RGS6: variants seen among roughly 807,000 people sequenced by gnomAD.
The protein encoded by RGS6 is regulator of G-protein signaling 6.
RGS6 carries 30 observed loss-of-function variants against 78.5 expected under a neutral mutation model. The ratio of observed to expected loss-of-function variants is 0.38; its 90% confidence interval spans 0.29 to 0.52. The LOEUF is 0.52. RGS6 is among the 20% of genes least tolerant of loss of function. RGS6 has a pLI of 0.85. For missense variants in RGS6, 495 were observed against 609.7 expected, an observed-to-expected ratio of 0.81 and a Z score of 1.98; for synonymous variants, 206 against 206.0, an observed-to-expected ratio of 1.00 and a Z score of 0.00.
At chr14:72,056,020 T>C (rs572992811) in intron 2 of RGS6, among the ~76,000 whole-genome samples, 1 of 152,316 alleles carries the variant, frequency 6.6e-6, no homozygotes, top group Non-Finnish European at 1.5e-5. Context: ...TGGGAAGCAT[T>C]TTGTTTTGTT....
chr14:71,990,925 T>G (rs903308224), intron 2 of RGS6: 6 of 445,532 alleles, frequency 1.3e-5, no homozygotes, highest in African/African-American at 1.0e-4. Flanking sequence ...ATAGTTGGCA[T>G]CGGAGGCAGA....
At chr14:72,346,208 T>A (rs1156560212) in intron 2 of RGS6, among the ~76,000 whole-genome samples, 1 of 152,230 alleles carries the variant, frequency 6.6e-6, no homozygotes, top group Non-Finnish European at 1.5e-5. Flanking sequence ...AATCACAATA[T>A]AGTTTGCTAT....
chr14:72,465,972 C>G, intron 7 of RGS6, 150 bp downstream of exon 7: 1 of 589,442 alleles, frequency 1.7e-6, no homozygotes, highest in Non-Finnish European at 3.0e-6. Flanking sequence ...CTCCCTTGTT[C>G]TCAGCTCCTC....
chr14:72,428,197 A>ACAGAGAAATAACAGGATTC (rs1249230202), intron 3 of RGS6, among the ~76,000 whole-genome samples: 1 of 152,208 alleles, frequency 6.6e-6, no homozygotes, highest in Non-Finnish European at 1.5e-5. Flanking sequence ...TAGAGATGAG[A>ACAGAGAAATAACAGGATTC]CAGAGAAATA....
the RGS6 span, among the ~76,000 whole-genome samples, chr14:72,622,744 C>A: frequency 6.6e-6 from 1 of 151,946 alleles, no homozygotes; most frequent in South Asian, 2.1e-4. Context: ...ATCCAGGAAC[C>A]AGGAATCACC....
chr14:72,401,539 CT>C (rs1566742813), intron 3 of RGS6, among the ~76,000 whole-genome samples: 1 of 151,438 alleles, frequency 6.6e-6, no homozygotes, highest in African/African-American at 2.4e-5. Context: ...ATGAGAAGAG[CT>C]GGACTGGGCA....
intron 15 of RGS6, among the ~76,000 whole-genome samples, chr14:72,522,818 G>C (rs2097065319): frequency 1.3e-5 from 2 of 152,136 alleles, no homozygotes; most frequent in Non-Finnish European, 2.9e-5. Flanking sequence ...ATAAAATCTA[G>C]CACATGGTCA....
chr14:72,222,355 C>G (rs1032527385), intron 2 of RGS6, among the ~76,000 whole-genome samples: 5 of 152,212 alleles, frequency 3.3e-5, no homozygotes, highest in African/African-American at 1.2e-4. Flanking sequence ...TTTTTAGCTT[C>G]TCCTTGAACC....
intron 2 of RGS6, among the ~76,000 whole-genome samples, chr14:72,068,375 T>C (rs1033274514): frequency 1.3e-5 from 2 of 152,058 alleles, no homozygotes; most frequent in African/African-American, 4.8e-5. Flanking sequence ...GCTCAGGCCA[T>C]CTGTCCACCT....
the RGS6 span, among the ~76,000 whole-genome samples, chr14:72,618,515 C>T: frequency 1.3e-5 from 2 of 152,226 alleles, no homozygotes; most frequent in African/African-American, 2.4e-5. Flanking sequence ...GATGCCCCAG[C>T]TCTGAAGGTC....
the RGS6 span, among the ~76,000 whole-genome samples, chr14:72,612,246 C>T: frequency 6.6e-6 from 1 of 152,192 alleles, no homozygotes. Flanking sequence ...TCTGACCATT[C>T]ATTGCAAAAG....
At position 72,465,763 on chromosome 14, in the gene RGS6, T is replaced by C. The variant is rs1475594542; in HGVS notation, c.400T>C (p.Tyr134His). The stretch of plus-strand genomic sequence containing the variant: ...CATTTCCTTTCTTCCCTCAGCCATC[T>C]ATCTCTGTAAGAGGACAATGCAAAA... ...WEPENTDYAI[Y>H]LCKRTMQNKA... Residue 134 changes from tyrosine to histidine, a missense_variant, in exon 7 of 18, where the codon TAT (tyrosine) becomes CAT (histidine). By Grantham distance (83) the Tyr-to-His change is moderately conservative. Transcript: ENST00000553525. The C allele has an allele frequency of 1.2e-6, 2 of 1,612,978 alleles. No individual in the cohort carries two copies. Among genetic ancestry groups the C allele is most frequent in the South Asian group, 1.1e-5 (1 of 91,028 alleles).
chr14:72,036,666 G>A (rs1000516918), intron 2 of RGS6, among the ~76,000 whole-genome samples: 1 of 152,020 alleles, frequency 6.6e-6, no homozygotes, highest in African/African-American at 2.4e-5. Flanking sequence ...TTTAAAAATT[G>A]GACTGCTTGT....
chr14:72,398,421 A>G (rs1236773579), intron 3 of RGS6, among the ~76,000 whole-genome samples: 6 of 151,840 alleles, frequency 4.0e-5, no homozygotes, highest in East Asian at 1.9e-4. Flanking sequence ...TTTTTATTAC[A>G]TCTATTTGAT....
At chr14:72,582,908 T>C in the RGS6 span, among the ~76,000 whole-genome samples, 1 of 151,302 alleles carries the variant, frequency 6.6e-6, no homozygotes, top group East Asian at 1.9e-4. Flanking sequence ...GTGGGGGTGG[T>C]TCCTAAAGAG....
intron 2 of RGS6, among the ~76,000 whole-genome samples, chr14:72,063,534 T>C (rs1216727684): frequency 6.6e-6 from 1 of 152,156 alleles, no homozygotes; most frequent in African/African-American, 2.4e-5. Context: ...AGATTTTTGC[T>C]GTGGGGTGAG....
the RGS6 span, among the ~76,000 whole-genome samples, chr14:71,901,125 A>G: frequency 6.6e-6 from 1 of 152,204 alleles, no homozygotes. Context: ...CATCCAAATC[A>G]TATCAAATGC....
chr14:71,889,665 G>C, the RGS6 span, among the ~76,000 whole-genome samples: 9 of 152,278 alleles, frequency 5.9e-5, no homozygotes, highest in African/African-American at 1.9e-4. Context: ...AAAAGCAAGA[G>C]GCTGGTGATA....
intron 2 of RGS6, among the ~76,000 whole-genome samples, chr14:72,304,489 T>G (rs1263120552): frequency 6.6e-6 from 1 of 152,228 alleles, no homozygotes; most frequent in East Asian, 1.9e-4. Flanking sequence ...CTAGTGAATT[T>G]TCTATTCCAC....
Sources: allele counts gnomAD v4.1 joint callset (sites outside exome capture counted in the v4.1 genomes callset), GRCh38; gene constraint gnomAD v4.1.1; transcripts MANE v1.5; gene names NCBI Gene and HGNC (gene_info 2026-07-23, HGNC 2026-07-21).